DIP2A: variants seen among roughly 807,000 people sequenced by gnomAD.
DIP2A encodes the protein DIP2 acetate--CoA ligase A.
A neutral mutation model predicts 177.4 loss-of-function variants in DIP2A; 85 were observed. The observed-to-expected ratio is 0.48, with a 90% CI of 0.40 to 0.57. The LOEUF is 0.57. Among genes scored for constraint, DIP2A ranks in the 20% least tolerant of loss-of-function variants. The pLI is 0.00. For synonymous variants in DIP2A, 886 were observed against 881.8 expected, an observed-to-expected ratio of 1.00 and a Z score of -0.08; for missense variants, 1,791 against 2,100.2, an observed-to-expected ratio of 0.85 and a Z score of 2.88.
intron 1 of DIP2A, among the ~76,000 whole-genome samples, chr21:46,476,077 TAC>T (rs869210256): frequency 2.5e-5 from 1 of 39,788 alleles, no homozygotes; most frequent in Non-Finnish European, 4.7e-5. Flanking sequence ...CTACTAAAAA[TAC>T]AAAAAAAAAA....
chr21:46,501,901 C>T (rs973274577), intron 5 of DIP2A, among the ~76,000 whole-genome samples: 2 of 152,162 alleles, frequency 1.3e-5, no homozygotes, highest in African/African-American at 4.8e-5. Context: ...CTAATTTGAT[C>T]AGCATCAGGC....
At chr21:46,555,195 C>T (rs1049261342) in intron 28 of DIP2A, among the ~76,000 whole-genome samples, 2 of 152,244 alleles carry the variant, frequency 1.3e-5, no homozygotes, top group South Asian at 4.1e-4. Flanking sequence ...CACCCGCCTC[C>T]TACTGGCATG....
At position 46,498,683 on chromosome 21, in the gene DIP2A, C is replaced by G. The variant is rs200938637; in HGVS notation, c.505C>G (p.Arg169Gly). The G allele has an allele frequency of 6.2e-7, 1 of 1,613,676 alleles. No individual in the cohort carries two copies. The highest frequency in any genetic ancestry group is 1.3e-5 in the African/African-American group (1 of 74,910). The change falls in exon 5 of 38, where the codon CGG (arginine) becomes GGG (glycine). Residue 169 changes from arginine (R) to glycine (G), a missense_variant. Coordinates refer to ENST00000417564, the MANE Select transcript of DIP2A (RefSeq NM_015151.4). This position sits in a 1 kb window ranked among gnomAD's most constrained non-coding sequence, Gnocchi z 4.3. ...TTCCAGCGTCGAGCCCTGGCTCGACCGGGTCATTCAGGGCTCGTCCACCTC... is the reference window on the plus strand; with the variant it reads ...TTCCAGCGTCGAGCCCTGGCTCGACGGGGTCATTCAGGGCTCGTCCACCTC... ...SHSSVEPWLD[R>G]VIQGSSTSSS... is the part of the protein sequence containing the mutation.
intron 32 of DIP2A, chr21:46,558,898 A>T (rs1277405272): frequency 9.9e-6 from 2 of 201,456 alleles, no homozygotes; most frequent in Admixed American, 1.1e-4. Flanking sequence ...CAGGAATTCG[A>T]GACCAGCCTG....
chr21:46,532,286 T>C (rs2059386556), intron 10 of DIP2A, 49 bp downstream of exon 10: 2 of 1,463,552 alleles, frequency 1.4e-6, no homozygotes, highest in Non-Finnish European at 1.9e-6. Flanking sequence ...CTGAACTTGA[T>C]ACCAGCAGTA....
In DIP2A at chr21:46,537,466, C is replaced by T. The variant is rs762768353; in HGVS notation, c.1728C>T (p.His576=). 19 of 1,614,202 alleles carry T rather than the reference C, an allele frequency of 1.2e-5. No homozygotes were observed. The highest frequency in any genetic ancestry group is 1.4e-5 in the Non-Finnish European group (16 of 1,180,032). Residue 576 remains histidine, a synonymous_variant, in exon 15 of 38, where the codon CAC becomes CAT. Coordinates refer to ENST00000417564, the MANE Select transcript of DIP2A (RefSeq NM_015151.4). This position sits in a 1 kb window ranked among gnomAD's most constrained non-coding sequence, Gnocchi z 4.1. The part of the protein sequence containing the change: ...GVLTSVMNRM[H]VVSVPYALMK... ...CACAGAGCGTCATGAACAGGATGCACGTGGTCAGCGTCCCCTACGCGCTGA... is the reference window on the plus strand; with the variant it reads ...CACAGAGCGTCATGAACAGGATGCATGTGGTCAGCGTCCCCTACGCGCTGA...
the DIP2A span, among the ~76,000 whole-genome samples, chr21:46,577,222 T>A: frequency 6.6e-6 from 1 of 152,216 alleles, no homozygotes; most frequent in African/African-American, 2.4e-5. Context: ...ATGTCCTGAA[T>A]GGTATTGCCT....
chr21:46,498,712 C>T lies in DIP2A; in HGVS notation c.534C>T (p.Ser178=). The T allele has an allele frequency of 6.2e-7, 1 of 1,613,952 alleles. No individual in the cohort carries two copies. The highest frequency in any genetic ancestry group is 8.5e-7 in the Non-Finnish European group (1 of 1,179,898). Residue 178 remains serine, a synonymous_variant, in exon 5 of 38, where the codon TCC becomes TCT. Coordinates refer to ENST00000417564, the MANE Select transcript of DIP2A (RefSeq NM_015151.4). This position sits in a 1 kb window ranked among gnomAD's most constrained non-coding sequence, Gnocchi z 4.3. ...TCATTCAGGGCTCGTCCACCTCATCCTCTGCATCCTCCACCTCATCTCACC... is the reference window on the plus strand; with the variant it reads ...TCATTCAGGGCTCGTCCACCTCATCTTCTGCATCCTCCACCTCATCTCACC... The part of the protein sequence containing the change: ...DRVIQGSSTS[S]SASSTSSHPG...
intron 18 of DIP2A, among the ~76,000 whole-genome samples, chr21:46,543,964 G>T (rs1269665536): frequency 1.3e-5 from 2 of 152,126 alleles, no homozygotes; most frequent in Non-Finnish European, 2.9e-5. Flanking sequence ...ACTGTCTTTG[G>T]AGATGAGAAT....
rs193172731 is a variant in DIP2A at position 46,563,210 on chromosome 21, C to T, written c.4090-648C>T. Among the ~76,000 whole-genome samples the T allele has an allele frequency of 1.3e-5, 2 of 152,138 alleles. No individual in the cohort carries two copies. Among genetic ancestry groups the T allele is most frequent in the African/African-American group, 4.8e-5 (2 of 41,426 alleles). ...TAGCTCACACCTCCCTGTGGCCCGTCGTCCCCTCCTCTTGCCTGCCCTGAG... is the reference window on the plus strand; with the variant it reads ...TAGCTCACACCTCCCTGTGGCCCGTTGTCCCCTCCTCTTGCCTGCCCTGAG... On this transcript the variant is annotated intron_variant, in intron 34 of 37. Coordinates refer to ENST00000417564, the MANE Select transcript of DIP2A (RefSeq NM_015151.4). This position sits in a 1 kb window ranked among gnomAD's most constrained non-coding sequence, Gnocchi z 4.3.
chr21:46,496,872 G>C (rs1055554998), intron 3 of DIP2A, 116 bp from the exon 4 acceptor site: 3 of 1,024,700 alleles, frequency 2.9e-6, no homozygotes, highest in South Asian at 2.1e-5. Context: ...AGGATAGACA[G>C]AGAGAGCTTC....
rs1210827384 is a variant in DIP2A at position 46,537,153 on chromosome 21, T to A, written c.1643-71T>A. 39 of 1,525,836 alleles carry A rather than the reference T, an allele frequency of 2.6e-5. No homozygotes were observed. Among genetic ancestry groups the A allele is most frequent in the Non-Finnish European group, 3.3e-5 (36 of 1,099,722 alleles). 94.5% of individuals were successfully genotyped at this position (1,525,836 alleles called of 1,614,324 possible). On this transcript the variant is annotated intron_variant, in intron 13 of 37. Coordinates refer to ENST00000417564, the MANE Select transcript of DIP2A (RefSeq NM_015151.4). This position sits in a 1 kb window ranked among gnomAD's most constrained non-coding sequence, Gnocchi z 4.1. ...TGTTGATGACGTACTCACCTCAGAA[T>A]TTCTCTAGAAAATGCATAGGGCTTA... is the stretch of plus-strand genomic sequence containing the variant.
intron 8 of DIP2A, among the ~76,000 whole-genome samples, chr21:46,514,259 C>T (rs2058445645): frequency 6.6e-6 from 1 of 151,878 alleles, no homozygotes; most frequent in South Asian, 2.1e-4. Flanking sequence ...GCGGTGAAAC[C>T]CCGTCTCTAC....
the DIP2A span, among the ~76,000 whole-genome samples, chr21:46,576,977 G>A: frequency 5.4e-3 from 816 of 152,070 alleles, 5 homozygotes; most frequent in Non-Finnish European, 8.8e-3. Flanking sequence ...AATGAGGTTG[G>A]TTTTTTCTTG....
chr21:46,546,003 G>T, intron 20 of DIP2A, 42 bp downstream of exon 20: 1 of 1,613,668 alleles, frequency 6.2e-7, no homozygotes, highest in Non-Finnish European at 8.5e-7. Flanking sequence ...GTCAGAGAAG[G>T]TAGGGGGTGT....
Position 46,569,931 on chromosome 21 carries a change from T to C in DIP2A, c.*2309T>C, listed in dbSNP as rs2060934703. 6.6e-6 allele frequency: 1 copy of C among 152,236 alleles called. No homozygotes were observed. The highest frequency in any genetic ancestry group is 2.4e-5 in the African/African-American group (1 of 41,454). 9.4% of individuals were successfully genotyped at this position (152,236 alleles called of 1,614,324 possible). A position where few individuals can be genotyped will look rare whatever the true frequency, so the allele number is the denominator to read the frequency against. On this transcript the variant is annotated 3_prime_UTR_variant, in exon 38 of 38. Coordinates refer to ENST00000417564, the MANE Select transcript of DIP2A (RefSeq NM_015151.4). ...CCTCTCAGGGATTTATTTTTTCTTT[T>C]TAAAAATTTTTTACAAAATTAGGAT...
At chr21:46,523,472 C>A (rs958642742) in intron 8 of DIP2A, among the ~76,000 whole-genome samples, 1 of 147,914 alleles carries the variant, frequency 6.8e-6, no homozygotes, top group African/African-American at 2.5e-5. Context: ...GTCTTGAACC[C>A]CTGATCTTGT....
At chr21:46,486,953 A>G (rs1236008168) in intron 2 of DIP2A, among the ~76,000 whole-genome samples, 3 of 152,224 alleles carry the variant, frequency 2.0e-5, no homozygotes, top group Non-Finnish European at 4.4e-5. Context: ...GAAGGAAGCA[A>G]TTACAAAGGC....
intron 17 of DIP2A, among the ~76,000 whole-genome samples, chr21:46,541,436 G>C (rs573977456): frequency 3.3e-5 from 5 of 152,288 alleles, no homozygotes; most frequent in African/African-American, 1.2e-4. Flanking sequence ...TGTTTGCCGG[G>C]CTTCACAGGG....
Sources: gnomAD v4.1 joint callset for allele counts (sites outside exome capture counted in the v4.1 genomes callset) on GRCh38, gnomAD v4.1.1 for gene constraint, Gnocchi (gnomAD v3.1) non-coding constraint, MANE v1.5 for transcripts, NCBI Gene and HGNC (gene_info 2026-07-23, HGNC 2026-07-21) for gene names.